Variants in RBM19 observed in about 807,000 individuals in gnomAD.
The protein encoded by RBM19 is RNA binding motif protein 19, also known as probable RNA-binding protein 19.
RBM19 carries 94 observed loss-of-function variants against 116.8 expected under a neutral mutation model. The ratio of observed to expected loss-of-function variants is 0.80; its 90% CI spans 0.68 to 0.95. The LOEUF (loss-of-function observed/expected upper bound fraction) is 0.95, where lower values mean the gene tolerates loss of function less well. Among genes scored for constraint, RBM19 ranks in the 40% least tolerant of loss-of-function variants. The probability of loss-of-function intolerance (pLI) is 0.00; values close to 1 mark genes in which losing one functional copy is unlikely to be tolerated. For synonymous variants in RBM19, 475 were observed against 494.1 expected (o/e 0.96, Z 0.51); for missense variants, 1,161 against 1,220.7 (o/e 0.95, Z 0.73).
chr12:113,963,558 C>T (rs1442472549), intron 1 of RBM19, among the ~76,000 whole-genome samples: 1 of 152,146 alleles, frequency 6.6e-6, no homozygotes, highest in African/African-American at 2.4e-5. Flanking sequence ...GAATTTTTGT[C>T]CACATTTTAT....
chr12:113,914,785 T>C (rs562134573), intron 21 of RBM19, among the ~76,000 whole-genome samples, 184 bp downstream of exon 21: 2 of 152,344 alleles, frequency 1.3e-5, no homozygotes, highest in East Asian at 3.9e-4. Flanking sequence ...TCCTGCACAG[T>C]GCTCTGGGGA....
Position 113,946,377 on chromosome 12 carries a change from G to A in RBM19, c.1506C>T (p.Ala502=), listed in dbSNP as rs778455566. ...ACCTGGCACTGTTGGCTTTGTCCTG[G>A]GCCTCCTTCTTCTTCTTGTAGGACG... is the stretch of plus-strand genomic sequence containing the variant. ...GSSSYKKKKE[A]QDKANSASSH... Residue 502 remains alanine, a synonymous_variant, in exon 12 of 24, where the codon GCC becomes GCT. Transcript: ENST00000261741. 1 of 1,614,022 alleles carries A rather than the reference G, an allele frequency of 6.2e-7. No homozygotes were observed. The highest frequency in any genetic ancestry group is 1.7e-5 in the Admixed American group (1 of 60,014).
chr12:113,947,339 A>G lies in RBM19; in HGVS notation c.1402T>C (p.Phe468Leu). ...KAYSEVDGQV[F>L]QGRMLHVLPS... The stretch of plus-strand genomic sequence containing the variant: ...AGCCCAGGACGGGGCCTCACCTGGA[A>G]TACCTGCCCGTCCACCTCCGAGTAG... Residue 468 changes from phenylalanine to leucine, a missense_variant, in exon 11 of 24, where the codon TTC becomes CTC. Transcript: ENST00000261741. 6.3e-7 allele frequency: 1 copy of G among 1,595,046 alleles called. No individual in the cohort carries two copies. Among genetic ancestry groups the G allele is most frequent in the Non-Finnish European group, 8.6e-7 (1 of 1,164,686 alleles).
At position 113,837,244 on chromosome 12, in the gene RBM19, A is replaced by AACACACACACAC. The variant is rs1328905404; in HGVS notation, c.2785+7423_2785+7424insGTGTGTGTGTGT. On this transcript the variant is annotated intron_variant, in intron 23 of 23. Transcript: ENST00000261741. ...GCCCAGGCTTATAACCCATCCTCCTAATACACACACACACACACACACACA... is the reference window on the plus strand; with the variant it reads ...GCCCAGGCTTATAACCCATCCTCCTAACACACACACACATACACACACACACACACACACACA... Among the ~76,000 whole-genome samples, 3 of 13,566 alleles carry AACACACACACAC rather than the reference A, an allele frequency of 2.2e-4. No homozygotes were observed. The East Asian group carries it at 0.018, about 82-fold the overall frequency. The allele number at this position is 13,566 out of a possible 152,430, so 8.9% of individuals were successfully genotyped here. A position where few individuals can be genotyped will look rare whatever the true frequency, so the allele number is the denominator to read the frequency against.
chr12:113,860,409 G>A (rs539142643), intron 21 of RBM19, among the ~76,000 whole-genome samples: 88 of 152,370 alleles, frequency 5.8e-4, no homozygotes, highest in Non-Finnish European at 7.8e-4. Context: ...TTTGAACAGG[G>A]AGGGAAGGGC....
At position 113,918,441 on chromosome 12, in the gene RBM19, C is replaced by A. The variant is rs368226146; in HGVS notation, c.2392G>T (p.Val798Phe). ...QKALKQLQGH[V>F]VDGHKLEVRI... ...ACTTCCAGCTTGTGGCCGTCCACGA[C>A]GTGACCCTAAGAGAGAAGACAACAT... The change falls in exon 20 of 24, where the codon GTC becomes TTC. Residue 798 changes from valine (V) to phenylalanine (F), a missense_variant. Coordinates refer to ENST00000261741, the MANE Select transcript of RBM19 (RefSeq NM_016196.4). The A allele has an allele frequency of 6.2e-7, 1 of 1,614,066 alleles. No homozygotes were observed. The highest frequency in any genetic ancestry group is 1.3e-5 in the African/African-American group (1 of 74,938).
Position 113,946,562 on chromosome 12 carries a change from G to A in RBM19, c.1408-87C>T. Reference sequence around the variant, plus strand: ...CGAAGGATGTTGGCTTCTGCCACGAGTAAGCTGGACCCAGCACTGAAACCC... The same window carrying A: ...CGAAGGATGTTGGCTTCTGCCACGAATAAGCTGGACCCAGCACTGAAACCC... On this transcript the variant is annotated intron_variant, in intron 11 of 23. Transcript: ENST00000261741. 2.5e-6 allele frequency: 4 copies of A among 1,574,590 alleles called. No homozygotes were observed. The South Asian group carries it at 3.4e-5, about 13-fold the overall frequency.
chr12:113,857,787 C>T (rs529185487), intron 22 of RBM19, among the ~76,000 whole-genome samples: 1 of 152,360 alleles, frequency 6.6e-6, no homozygotes, highest in East Asian at 1.9e-4. Context: ...TGTCCTGGAG[C>T]TGCCACCTTT....
chr12:113,823,048 G>A lies in RBM19; in HGVS notation c.*176C>T. The A allele has an allele frequency of 1.6e-6, 1 of 611,080 alleles. No individual in the cohort carries two copies. The highest frequency in any genetic ancestry group is 2.9e-6 in the Non-Finnish European group (1 of 349,460). The allele number at this position is 611,080 out of a possible 1,614,324, so 37.9% of individuals were successfully genotyped here. A position where few individuals can be genotyped will look rare whatever the true frequency, so the allele number is the denominator to read the frequency against. ...GAAACCCAGGATGCCTGGGCCGCTG[G>A]GCAGTGGCCTGAGGCCTTCCTCATC... On this transcript the variant is annotated 3_prime_UTR_variant, in exon 24 of 24. Coordinates refer to ENST00000261741, the MANE Select transcript of RBM19 (RefSeq NM_016196.4).
intron 21 of RBM19, among the ~76,000 whole-genome samples, chr12:113,890,732 C>T (rs942216603): frequency 5.3e-5 from 8 of 152,194 alleles, no homozygotes; most frequent in African/African-American, 1.4e-4. Context: ...AGAACAGTTC[C>T]GAGATCCTTC....
At chr12:113,821,781 T>A (rs1874433531), downstream of RBM19, among the ~76,000 whole-genome samples, 1 of 152,182 alleles carries the variant, frequency 6.6e-6, no homozygotes, top group South Asian at 2.1e-4. Flanking sequence ...AACGAGCCAT[T>A]CTGTGTCTTT....
intron 21 of RBM19, among the ~76,000 whole-genome samples, chr12:113,866,836 A>C (rs1247989322): frequency 1.3e-5 from 2 of 152,204 alleles, no homozygotes; most frequent in Non-Finnish European, 2.9e-5. Context: ...CCTTCTTCCA[A>C]AGAAGCTAGT....
intron 21 of RBM19, among the ~76,000 whole-genome samples, chr12:113,863,204 C>CGTGTGTGTGT (rs1424355264): frequency 2.0e-5 from 2 of 98,404 alleles, no homozygotes; most frequent in Admixed American, 1.2e-4. Flanking sequence ...AGACACAATA[C>CGTGTGTGTGT]GTGTGTCTGT....
intron 23 of RBM19, among the ~76,000 whole-genome samples, chr12:113,836,940 CGT>C (rs1875984426): frequency 8.6e-6 from 1 of 116,636 alleles, no homozygotes; most frequent in African/African-American, 3.5e-5. Context: ...CACACACACA[CGT>C]GTCCCAAGCA....
intron 5 of RBM19, among the ~76,000 whole-genome samples, chr12:113,958,747 C>G (rs1317680067): frequency 1.3e-5 from 2 of 152,192 alleles, no homozygotes; most frequent in Non-Finnish European, 2.9e-5. Context: ...AGGCCTCCCC[C>G]ACACCACAAA....
intron 18 of RBM19, among the ~76,000 whole-genome samples, chr12:113,922,729 A>G (rs1029404483): frequency 2.0e-5 from 3 of 151,742 alleles, no homozygotes; most frequent in African/African-American, 7.3e-5. Flanking sequence ...GAGAACAGGG[A>G]TGTTAAGGGG....
chr12:113,874,611 C>CAAAG (rs1488438044), intron 21 of RBM19, among the ~76,000 whole-genome samples: 1 of 152,192 alleles, frequency 6.6e-6, no homozygotes, highest in Non-Finnish European at 1.5e-5. Context: ...AGCTTCAGCC[C>CAAAG]TTGAACTCAG....
intron 21 of RBM19, among the ~76,000 whole-genome samples, chr12:113,901,794 C>T (rs530839103): frequency 2.4e-4 from 36 of 152,192 alleles, no homozygotes; most frequent in African/African-American, 7.7e-4. Flanking sequence ...GGATTACAGG[C>T]GTGAGCCACC....
chr12:113,960,060 T>G lies in RBM19; in HGVS notation c.338A>C (p.Lys113Thr). The G allele has an allele frequency of 1.2e-6, 2 of 1,614,168 alleles. No homozygotes were observed. The highest frequency in any genetic ancestry group is 1.7e-6 in the Non-Finnish European group (2 of 1,180,014). The part of the protein sequence containing the change: ...PKDSTTPEIK[K>T]DEKKKKVAGQ... ...AGGCTAGAGTGACCCTTTACATACT[T>G]TCTTAATTTCTGGAGTAGTAGAGTC... is the stretch of plus-strand genomic sequence containing the variant. The change falls in exon 3 of 24, where the codon AAA becomes ACA. Residue 113 changes from lysine to threonine, a missense_variant and splice_region_variant. By Grantham distance (78) the Lys-to-Thr change is moderately conservative (BLOSUM62 -1). Coordinates refer to ENST00000261741, the MANE Select transcript of RBM19 (RefSeq NM_016196.4).
Sources: allele counts gnomAD v4.1 joint callset (sites outside exome capture counted in the v4.1 genomes callset), GRCh38; gene constraint gnomAD v4.1.1; transcripts MANE v1.5; gene names NCBI Gene and HGNC (gene_info 2026-07-23, HGNC 2026-07-21).